PSMD1: variants seen among roughly 807,000 people sequenced by gnomAD.
PSMD1 encodes 26S proteasome non-ATPase regulatory subunit 1.
In PSMD1, 18 loss-of-function variants were observed where a neutral mutation model predicts 119.0. That is an observed-to-expected ratio of 0.15 (90% CI 0.10 to 0.22). The LOEUF (loss-of-function observed/expected upper bound fraction) is 0.22. PSMD1 is among the 10% of genes least tolerant of loss of function. PSMD1 has a pLI of 1.00. For synonymous variants in PSMD1, 374 were observed against 396.6 expected, an observed-to-expected ratio of 0.94 and a Z score of 0.68; for missense variants, 702 against 1,158.5, an observed-to-expected ratio of 0.61 and a Z score of 5.72.
chr2:231,123,896 T>A (rs2125233975), intron 16 of PSMD1: 76 of 563,414 alleles, frequency 1.3e-4, no homozygotes, highest in Middle Eastern at 6.3e-4. Context: ...CACCTTCCTT[T>A]AAAAAAAAAA....
Position 231,056,913 on chromosome 2 carries a change from G to A in PSMD1, c.-113G>A. ...GCGGCCTGAGGAGGCGACTGACTGA[G>A]CAGCGCACCCGGGGAGCAAGGAGGC... On this transcript the variant is annotated 5_prime_UTR_variant, in exon 1 of 25. Transcript: ENST00000308696. The A allele has an allele frequency of 7.0e-7, 1 of 1,424,296 alleles. No homozygotes were observed. Among genetic ancestry groups the A allele is most frequent in the Non-Finnish European group, 9.5e-7 (1 of 1,048,268 alleles). 88.2% of individuals were successfully genotyped at this position (1,424,296 alleles called of 1,614,324 possible).
intron 1 of PSMD1, chr2:231,060,369 ACTAAG>A (rs1361274124): frequency 1.1e-4 from 17 of 152,260 alleles, no homozygotes; most frequent in Admixed American, 9.8e-4. Flanking sequence ...GCTACATCTA[ACTAAG>A]TTGCCTTGAC....
intron 16 of PSMD1, among the ~76,000 whole-genome samples, chr2:231,129,558 A>T (rs1227706252): frequency 3.3e-5 from 5 of 152,244 alleles, no homozygotes; most frequent in Admixed American, 6.5e-5. Context: ...GTCCAGGAAG[A>T]TGACAACAAA....
intron 16 of PSMD1, among the ~76,000 whole-genome samples, chr2:231,106,966 C>A (rs1219267673): frequency 6.6e-6 from 1 of 152,086 alleles, no homozygotes; most frequent in Non-Finnish European, 1.5e-5. Flanking sequence ...TATGCCAAAT[C>A]CATCATATTA....
rs1696685476 is a variant in PSMD1, at chr2:231,163,444, A to G, written c.2389-191A>G. 8 of 512,772 alleles carry G rather than the reference A, an allele frequency of 1.6e-5. No homozygotes were observed. The South Asian group carries it at 2.7e-4, about 17-fold the overall frequency. The allele number at this position is 512,772 out of a possible 1,614,324, so 31.8% of individuals were successfully genotyped here. Reference sequence around the variant, plus strand: ...AAGGCACAGAGATTAAGAAAAGTATAGAGAACTGCAGGTAATTCTGTAAAG... The same window carrying G: ...AAGGCACAGAGATTAAGAAAAGTATGGAGAACTGCAGGTAATTCTGTAAAG... On this transcript the variant is annotated intron_variant, in intron 20 of 24. Transcript: ENST00000308696.
chr2:231,141,234 G>C (rs892554308), intron 17 of PSMD1, among the ~76,000 whole-genome samples: 6 of 151,780 alleles, frequency 4.0e-5, no homozygotes, highest in Non-Finnish European at 7.4e-5. Flanking sequence ...CCAGGAGGCA[G>C]AGGTTGCAGT....
At chr2:231,134,175 TA>T (rs1437941417) in intron 16 of PSMD1, among the ~76,000 whole-genome samples, 1 of 152,256 alleles carries the variant, frequency 6.6e-6, no homozygotes, top group African/African-American at 2.4e-5. Flanking sequence ...ATAGTAATAC[TA>T]AAGAGCAACA....
intron 15 of PSMD1, among the ~76,000 whole-genome samples, chr2:231,085,676 C>T (rs1170305560): frequency 8.6e-6 from 1 of 116,344 alleles, no homozygotes; most frequent in Non-Finnish European, 1.6e-5. Flanking sequence ...CCCTAAGGAA[C>T]ATGATCTATT....
At chr2:231,105,049 A>G (rs1694946376) in intron 16 of PSMD1, among the ~76,000 whole-genome samples, 1 of 152,208 alleles carries the variant, frequency 6.6e-6, no homozygotes, top group South Asian at 2.1e-4. Flanking sequence ...ACATGTTAGT[A>G]AACACATATT....
chr2:231,072,044 G>A (rs1168415945), intron 6 of PSMD1, 145 bp from the exon 7 acceptor site: 2 of 635,508 alleles, frequency 3.1e-6, no homozygotes, highest in African/African-American at 3.7e-5. Flanking sequence ...GCTGGGTTTA[G>A]AAATAGAGTG....
chr2:231,106,201 T>G (rs1694970180), intron 16 of PSMD1, among the ~76,000 whole-genome samples: 1 of 152,162 alleles, frequency 6.6e-6, no homozygotes, highest in Non-Finnish European at 1.5e-5. Flanking sequence ...ATCGAAGTGG[T>G]AAGAGTTTGT....
intron 16 of PSMD1, among the ~76,000 whole-genome samples, chr2:231,097,367 C>T (rs1381503050): frequency 6.6e-6 from 1 of 152,202 alleles, no homozygotes; most frequent in Non-Finnish European, 1.5e-5. Flanking sequence ...TGCTGGCTAA[C>T]TCATTGGATA....
chr2:231,145,175 G>C (rs1171543273), intron 17 of PSMD1, among the ~76,000 whole-genome samples: 1 of 152,180 alleles, frequency 6.6e-6, no homozygotes, highest in African/African-American at 2.4e-5. Flanking sequence ...TTAAGAACAG[G>C]GATGCGTTCT....
chr2:231,111,551 CTG>C (rs887936769), intron 16 of PSMD1, among the ~76,000 whole-genome samples: 3 of 152,186 alleles, frequency 2.0e-5, no homozygotes, highest in African/African-American at 7.2e-5. Context: ...CCTAGAATAA[CTG>C]TAAATCCAAA....
chr2:231,167,894 T>G (rs1346238869), intron 23 of PSMD1, among the ~76,000 whole-genome samples: 2 of 152,130 alleles, frequency 1.3e-5, no homozygotes, highest in Admixed American at 6.5e-5. Flanking sequence ...GAAAAGATGC[T>G]CAACATCATT....
rs564253404 is a variant in PSMD1 at position 231,094,755 on chromosome 2, A to G, written c.1883+7574A>G. Among the ~76,000 whole-genome samples, 23 of 152,356 alleles carry G rather than the reference A, an allele frequency of 1.5e-4. No homozygotes were observed. In the South Asian group the frequency reaches 2.3e-3, roughly 15 times the overall value. On this transcript the variant is annotated intron_variant, in intron 16 of 24. Coordinates refer to ENST00000308696, the MANE Select transcript of PSMD1 (RefSeq NM_002807.4). ...ATAGGCACAACTACAGAAGTATGAG[A>G]TAAGAACTGAATTAAGTTTGTCAGC... is the stretch of plus-strand genomic sequence containing the variant.
intron 16 of PSMD1, among the ~76,000 whole-genome samples, chr2:231,137,864 T>A (rs922378220): frequency 4.6e-5 from 7 of 152,224 alleles, no homozygotes; most frequent in Non-Finnish European, 7.3e-5. Context: ...GCAAAAAACA[T>A]GATTTCATTC....
intron 16 of PSMD1, among the ~76,000 whole-genome samples, chr2:231,098,192 G>C (rs139972683): frequency 1.5e-3 from 234 of 152,302 alleles, no homozygotes; most frequent in African/African-American, 5.3e-3. Flanking sequence ...ATTTTTGATA[G>C]GAAAGCTACA....
intron 19 of PSMD1, among the ~76,000 whole-genome samples, chr2:231,158,505 T>C (rs1696561865): frequency 6.6e-6 from 1 of 152,202 alleles, no homozygotes; most frequent in Non-Finnish European, 1.5e-5. Flanking sequence ...ACCTTATTTA[T>C]TAAATCTCAG....
Sources: gnomAD v4.1 joint callset for allele counts (sites outside exome capture counted in the v4.1 genomes callset) on GRCh38, gnomAD v4.1.1 for gene constraint, MANE v1.5 for transcripts, NCBI Gene and HGNC (gene_info 2026-07-23, HGNC 2026-07-21) for gene names.